The following DRD3 variants were observed in gnomAD, a reference collection of about 807,000 sequenced individuals.
DRD3 encodes D(3) dopamine receptor.
In DRD3, 19 loss-of-function variants were observed where a neutral mutation model predicts 36.3. The observed-to-expected ratio is 0.52, with a 90% CI of 0.36 to 0.77. The LOEUF is 0.77. DRD3 is among the 30% of genes least tolerant of loss of function. The pLI is 0.00. For synonymous variants in DRD3, 195 were observed against 203.7 expected (o/e 0.96, Z 0.36); for missense variants, 465 against 505.3 (o/e 0.92, Z 0.77).
In DRD3 at chr3:114,187,486, T is replaced by A. The variant is rs529398498; in HGVS notation, c.-155-8710A>T. 1.4e-4 allele frequency among the ~76,000 whole-genome samples: 21 copies of A among 152,340 alleles called. No individual in the cohort carries two copies. The East Asian group carries it at 3.7e-3, about 27-fold the overall frequency. On this transcript the variant is annotated intron_variant, in intron 1 of 7. Coordinates refer to the DRD3 transcript ENST00000460779. ...GGACTTTGTATGTTAATGAGAATAA[T>A]CTTGAATTCAATGAAGCTTTTGTTG... is the stretch of plus-strand genomic sequence containing the variant.
chr3:114,138,148 G>A, intron 5 of DRD3, among the ~76,000 whole-genome samples: 1 of 131,416 alleles, frequency 7.6e-6, no homozygotes, highest in African/African-American at 2.9e-5. Flanking sequence ...CAGTCTGGGT[G>A]ACAGAGCGAG....
At position 114,178,408 on chromosome 3, in the gene DRD3, T is replaced by C. The variant is rs899355904; in HGVS notation, c.-36+249A>G. Among the ~76,000 whole-genome samples the C allele has an allele frequency of 2.6e-5, 4 of 152,276 alleles. No individual in the cohort carries two copies. The East Asian group carries it at 7.7e-4, about 29-fold the overall frequency. On this transcript the variant is annotated intron_variant, in intron 1 of 6. Transcript: ENST00000383673. ...TCTATCTTTTAATTCTTCCTTGATA[T>C]AGCTTCTAGAGCCCACAAGGATACA...
intron 1 of DRD3, among the ~76,000 whole-genome samples, chr3:114,187,167 T>C (rs768086606): frequency 6.6e-6 from 1 of 152,244 alleles, no homozygotes; most frequent in African/African-American, 2.4e-5. Flanking sequence ...GGTCATGTGT[T>C]TTCTTTCTTT....
chr3:114,182,863 A>T (rs557643610), upstream of DRD3, among the ~76,000 whole-genome samples: 13 of 152,338 alleles, frequency 8.5e-5, no homozygotes, highest in African/African-American at 3.1e-4. Flanking sequence ...ATAATATTCA[A>T]TTGTACCACA....
chr3:114,196,594 T>C (rs2078036573), intron 1 of DRD3, among the ~76,000 whole-genome samples: 1 of 152,194 alleles, frequency 6.6e-6, no homozygotes, highest in South Asian at 2.1e-4. Context: ...ATTTTACATT[T>C]CCACCAACAA....
intron 1 of DRD3, among the ~76,000 whole-genome samples, chr3:114,190,458 ATATATTTTTTTTTTTTTTTTTTTTTTTT>A (rs2078004463): frequency 1.1e-4 from 1 of 9,454 alleles, no homozygotes; most frequent in African/African-American, 5.9e-4. Flanking sequence ...ATATATATAT[ATATATTTTTTTTTTTTTTTTTTTTTTTT>A]TTTTTTTTTT....
upstream of DRD3, among the ~76,000 whole-genome samples, chr3:114,179,878 T>C (rs889708837): frequency 2.6e-5 from 4 of 152,190 alleles, no homozygotes; most frequent in African/African-American, 9.7e-5. Context: ...ACAACCATCA[T>C]TTATTGAGCA....
At chr3:114,146,704 A>G (rs1476957386) in intron 4 of DRD3, among the ~76,000 whole-genome samples, 1 of 151,098 alleles carries the variant, frequency 6.6e-6, no homozygotes, top group African/African-American at 2.5e-5. Flanking sequence ...GTCTCAAAAA[A>G]AAAAAAAAAA....
At chr3:114,164,220 C>CAAAAAAAAAA (rs34500434) in intron 2 of DRD3, among the ~76,000 whole-genome samples, 377 of 17,772 alleles carry the variant, frequency 0.021, 33 homozygotes, top group Admixed American at 0.045. Flanking sequence ...GCCTCAGTCT[C>CAAAAAAAAAA]AAAAAAAAAA....
chr3:114,161,807 C>T (rs930757502), intron 2 of DRD3, among the ~76,000 whole-genome samples: 4 of 152,188 alleles, frequency 2.6e-5, no homozygotes, highest in African/African-American at 9.7e-5. Flanking sequence ...TTACATAGGA[C>T]AGTTGCATAC....
At chr3:114,172,114 C>A in intron 1 of DRD3, 87 bp from the exon 2 acceptor site, 1 of 1,077,530 alleles carries the variant, frequency 9.3e-7, no homozygotes. Flanking sequence ...ATTGCATCAG[C>A]AAATATTTAT....
intron 1 of DRD3, among the ~76,000 whole-genome samples, chr3:114,172,612 C>A (rs2077857886): frequency 6.6e-6 from 1 of 152,174 alleles, no homozygotes. Context: ...CATGCTTGGA[C>A]TCTGAGTGAG....
At chr3:114,155,307 G>C (rs765730015) in intron 3 of DRD3, among the ~76,000 whole-genome samples, 44 of 152,232 alleles carry the variant, frequency 2.9e-4, no homozygotes, top group South Asian at 8.3e-4. Flanking sequence ...GAATAGGAGG[G>C]GGCTCCATTT....
At chr3:114,195,560 C>T (rs1247572756) in intron 1 of DRD3, among the ~76,000 whole-genome samples, 1 of 152,018 alleles carries the variant, frequency 6.6e-6, no homozygotes, top group Non-Finnish European at 1.5e-5. Flanking sequence ...TATGTAATAA[C>T]AGAAGATGGC....
intron 5 of DRD3, among the ~76,000 whole-genome samples, chr3:114,134,634 G>T (rs1306196258): frequency 1.3e-5 from 2 of 151,924 alleles, no homozygotes; most frequent in African/African-American, 4.8e-5. Context: ...TGGCCAGGCT[G>T]GTCTCGAACT....
At chr3:114,141,853 G>C (rs1028326209) in intron 4 of DRD3, among the ~76,000 whole-genome samples, 3 of 151,742 alleles carry the variant, frequency 2.0e-5, no homozygotes, top group Admixed American at 6.6e-5. Flanking sequence ...AGTTCGAGAC[G>C]AGCCTGACCA....
chr3:114,128,728 G>A lies in DRD3; in HGVS notation c.1191C>T (p.Ile397=). The change falls in exon 7 of 7, where the codon ATC becomes ATT. Residue 397 remains isoleucine, a synonymous_variant. Transcript: ENST00000383673. The part of the protein sequence containing the change: ...NIEFRKAFLK[I]LSC ...CTCTTCTGCTCCCTCAGCAAGACAGGATCTTGAGGAAGGCTTTCCGGAACT... is the reference window on the plus strand; with the variant it reads ...CTCTTCTGCTCCCTCAGCAAGACAGAATCTTGAGGAAGGCTTTCCGGAACT... The A allele has an allele frequency of 6.2e-7, 1 of 1,601,216 alleles. No individual in the cohort carries two copies. The highest frequency in any genetic ancestry group is 8.5e-7 in the Non-Finnish European group (1 of 1,172,946).
chr3:114,158,578 C>T (rs192927015), intron 3 of DRD3, among the ~76,000 whole-genome samples: 12 of 152,300 alleles, frequency 7.9e-5, no homozygotes, highest in African/African-American at 2.9e-4. Flanking sequence ...CCCTGCTGTG[C>T]CCATTACAGA....
At chr3:114,152,295 A>G (rs1272620373) in intron 3 of DRD3, among the ~76,000 whole-genome samples, 2 of 152,136 alleles carry the variant, frequency 1.3e-5, no homozygotes, top group Non-Finnish European at 2.9e-5. Flanking sequence ...AGTCCATTGT[A>G]TCATTCTTAT....
Sources: gnomAD v4.1 joint callset for allele counts (sites outside exome capture counted in the v4.1 genomes callset) on GRCh38, gnomAD v4.1.1 for gene constraint, MANE v1.5 for transcripts, NCBI Gene and HGNC (gene_info 2026-07-23, HGNC 2026-07-21) for gene names.